Variants in MAP4K3 observed in about 807,000 individuals in gnomAD.
MAP4K3 encodes the protein mitogen-activated protein kinase kinase kinase kinase 3.
A neutral mutation model predicts 143.5 loss-of-function variants in MAP4K3; 94 were observed. The observed-to-expected ratio is 0.65, with a 90% CI of 0.55 to 0.78. MAP4K3 has a LOEUF of 0.78. MAP4K3 is among the 30% of genes least tolerant of loss of function. The pLI is 0.00. For missense variants in MAP4K3, 1,077 were observed against 1,068.1 expected (o/e 1.01, Z -0.12); for synonymous variants, 416 against 347.2 (o/e 1.20, Z -2.20).
intron 1 of MAP4K3, among the ~76,000 whole-genome samples, chr2:39,425,195 A>G (rs1324318473): frequency 1.3e-5 from 2 of 152,198 alleles, no homozygotes; most frequent in African/African-American, 4.8e-5. Flanking sequence ...CAAAATTAAC[A>G]TAGAAATTCA....
intron 1 of MAP4K3, among the ~76,000 whole-genome samples, chr2:39,427,755 G>A (rs925739767): frequency 3.3e-5 from 5 of 152,176 alleles, no homozygotes; most frequent in African/African-American, 4.8e-5. Flanking sequence ...ACCCAAGCAC[G>A]TTAGAGAAAA....
intron 16 of MAP4K3, among the ~76,000 whole-genome samples, 178 bp from the exon 17 acceptor site, chr2:39,293,446 A>T (rs1056007038): frequency 5.9e-5 from 9 of 152,316 alleles, no homozygotes; most frequent in Admixed American, 3.3e-4. Context: ...TATATTTAAT[A>T]AAATACCTCT....
At chr2:39,430,856 T>C (rs1050976504) in intron 1 of MAP4K3, among the ~76,000 whole-genome samples, 3 of 152,182 alleles carry the variant, frequency 2.0e-5, no homozygotes, top group African/African-American at 7.2e-5. Flanking sequence ...GAACTCTAAG[T>C]CAAGCCCAAT....
intron 6 of MAP4K3, among the ~76,000 whole-genome samples, chr2:39,336,252 C>G (rs7573036): frequency 0.015 from 2,338 of 151,982 alleles, 59 homozygotes; most frequent in African/African-American, 0.053. Context: ...GTGGGATGAT[C>G]ACCTGAGGTC....
intron 12 of MAP4K3, among the ~76,000 whole-genome samples, chr2:39,320,170 G>A (rs1039640944): frequency 2.0e-5 from 3 of 152,094 alleles, no homozygotes; most frequent in African/African-American, 7.2e-5. Context: ...TGTTCATCGA[G>A]TTAAATATAA....
intron 28 of MAP4K3, among the ~76,000 whole-genome samples, chr2:39,263,770 C>A (rs1442631123): frequency 1.3e-5 from 2 of 152,070 alleles, no homozygotes; most frequent in African/African-American, 4.8e-5. Flanking sequence ...CTCATTAGAG[C>A]CAGGCCAAGC....
At chr2:39,325,860 T>C (rs767131089) in intron 10 of MAP4K3, 39 bp downstream of exon 10, 1 of 1,557,976 alleles carries the variant, frequency 6.4e-7, no homozygotes. Context: ...CATTTTTTGC[T>C]CATCTCACCA....
At chr2:39,283,812 G>C (rs1393049040) in intron 21 of MAP4K3, 1 of 152,136 alleles carries the variant, frequency 6.6e-6, no homozygotes, top group Non-Finnish European at 1.5e-5. Flanking sequence ...CATGAACTTT[G>C]TGACAGTCTA....
In MAP4K3 at chr2:39,369,193, G is replaced by GTTTTTTTGTTTGTTTTTTTT. The variant is rs747293878; in HGVS notation, c.154+8872_154+8873insAAAAAAAACAAACAAAAAAA. 1.0e-3 allele frequency among the ~76,000 whole-genome samples: 38 copies of GTTTTTTTGTTTGTTTTTTTT among 37,928 alleles called. 1 individual carries two copies. Among genetic ancestry groups the GTTTTTTTGTTTGTTTTTTTT allele is most frequent in the Non-Finnish European group, 1.6e-3 (23 of 13,978 alleles). 24.9% of individuals were successfully genotyped at this position (37,928 alleles called of 152,430 possible). A position where few individuals can be genotyped will look rare whatever the true frequency, so the allele number is the denominator to read the frequency against. The stretch of plus-strand genomic sequence containing the variant: ...GGGTAAAATCTAAACCTTTGGGCTA[G>GTTTTTTTGTTTGTTTTTTTT]TTTTTTTTTTTGTTTTTTTTGAGAT... On this transcript the variant is annotated intron_variant, in intron 2 of 33. Coordinates refer to ENST00000263881, the MANE Select transcript of MAP4K3 (RefSeq NM_003618.4).
intron 6 of MAP4K3, among the ~76,000 whole-genome samples, chr2:39,335,747 A>G (rs1664929267): frequency 6.6e-6 from 1 of 152,150 alleles, no homozygotes; most frequent in Non-Finnish European, 1.5e-5. Context: ...AAAGCTCTTT[A>G]TGTCTTTTAA....
At chr2:39,421,982 C>T (rs1667561106) in intron 1 of MAP4K3, among the ~76,000 whole-genome samples, 1 of 151,506 alleles carries the variant, frequency 6.6e-6, no homozygotes, top group African/African-American at 2.4e-5. Flanking sequence ...TACTTAATCA[C>T]AAAATACCCC....
At chr2:39,359,925 T>C (rs1665719641) in intron 2 of MAP4K3, among the ~76,000 whole-genome samples, 2 of 152,334 alleles carry the variant, frequency 1.3e-5, no homozygotes, top group Non-Finnish European at 2.9e-5. Flanking sequence ...AGGGCTGTGA[T>C]GGGAGGGGTT....
intron 6 of MAP4K3, among the ~76,000 whole-genome samples, chr2:39,336,035 T>C (rs1573167167): frequency 6.6e-6 from 1 of 151,620 alleles, no homozygotes; most frequent in East Asian, 1.9e-4. Context: ...GAAAAATAAG[T>C]GAAAGAAAAA....
chr2:39,433,650 C>T (rs180718162), intron 1 of MAP4K3, among the ~76,000 whole-genome samples: 2 of 152,142 alleles, frequency 1.3e-5, no homozygotes, highest in Admixed American at 6.5e-5. Flanking sequence ...CAAATACATA[C>T]AACATTAAGC....
intron 19 of MAP4K3, among the ~76,000 whole-genome samples, chr2:39,288,962 G>A (rs1330605849): frequency 2.6e-5 from 4 of 152,222 alleles, no homozygotes; most frequent in Admixed American, 2.6e-4. Flanking sequence ...TGAGGCAGGA[G>A]AATGGCATGA....
intron 24 of MAP4K3, among the ~76,000 whole-genome samples, chr2:39,277,415 A>G (rs1240052735): frequency 2.0e-5 from 3 of 152,120 alleles, no homozygotes; most frequent in Non-Finnish European, 4.4e-5. Flanking sequence ...TGTGGCCAAT[A>G]TCTTATACTC....
intron 1 of MAP4K3, among the ~76,000 whole-genome samples, chr2:39,379,072 A>G (rs958557879): frequency 2.6e-5 from 4 of 152,188 alleles, no homozygotes; most frequent in African/African-American, 9.6e-5. Flanking sequence ...TGATCACAGA[A>G]AGATCCATTC....
intron 15 of MAP4K3, among the ~76,000 whole-genome samples, chr2:39,300,251 C>T (rs1428196231): frequency 2.0e-5 from 3 of 152,082 alleles, no homozygotes; most frequent in Non-Finnish European, 4.4e-5. Context: ...ACGCAGGTAA[C>T]AATTTTTTAA....
chr2:39,387,011 G>A (rs1666523974), intron 1 of MAP4K3, among the ~76,000 whole-genome samples: 1 of 151,914 alleles, frequency 6.6e-6, no homozygotes, highest in Non-Finnish European at 1.5e-5. Context: ...ATGGAGTTTT[G>A]CCATGTTGGC....
Sources: allele counts gnomAD v4.1 joint callset (sites outside exome capture counted in the v4.1 genomes callset), GRCh38; gene constraint gnomAD v4.1.1; transcripts MANE v1.5; gene names NCBI Gene and HGNC (gene_info 2026-07-23, HGNC 2026-07-21).